POLA1: variants seen among roughly 807,000 people sequenced by gnomAD.
POLA1 encodes the protein DNA polymerase alpha 1, catalytic subunit.
POLA1 carries 15 observed loss-of-function variants against 124.0 expected under a neutral mutation model. The ratio of observed to expected loss-of-function variants is 0.12; its 90% CI spans 0.08 to 0.19. The LOEUF is 0.19. Among genes scored for constraint, POLA1 ranks in the 10% least tolerant of loss-of-function variants. The probability of loss-of-function intolerance (pLI) is 1.00; values close to 1 mark genes in which losing one functional copy is unlikely to be tolerated. For missense variants in POLA1, 886 were observed against 1,103.4 expected (o/e 0.80, Z 2.79); for synonymous variants, 408 against 389.4 (o/e 1.05, Z -0.56).
At chrX:24,835,760 A>G (rs2046334136) in intron 32 of POLA1, among the ~76,000 whole-genome samples, 1 of 111,069 alleles carries the variant, frequency 9.0e-6, no homozygotes, top group Non-Finnish European at 1.9e-5. Flanking sequence ...ATTTTATTTT[A>G]TATTTTCTAA....
chrX:24,917,530 A>G (rs1326794099), intron 35 of POLA1, among the ~76,000 whole-genome samples: 2 of 112,024 alleles, frequency 1.8e-5, no homozygotes, highest in South Asian at 3.8e-4. Flanking sequence ...TCAAAATATC[A>G]TGGAGGAAAA....
At chrX:24,935,636 T>G (rs1480362642) in intron 36 of POLA1, among the ~76,000 whole-genome samples, 2 of 112,819 alleles carry the variant, frequency 1.8e-5, no homozygotes, top group Non-Finnish European at 3.7e-5. Context: ...ATGCTTTCTT[T>G]TCTTTTTTTT....
chrX:24,987,929 C>G (rs1318134933), intron 36 of POLA1, among the ~76,000 whole-genome samples: 1 of 111,746 alleles, frequency 8.9e-6, no homozygotes, highest in East Asian at 2.8e-4. Flanking sequence ...GTTACCTTCA[C>G]CATCCAACTG....
intron 34 of POLA1, among the ~76,000 whole-genome samples, chrX:24,868,991 A>G (rs1003326564): frequency 8.9e-6 from 1 of 112,170 alleles, no homozygotes; most frequent in African/African-American, 3.2e-5. Context: ...GCTGGAGTGC[A>G]GTGGTGTGAA....
chrX:24,765,193 C>T (rs1008067493), intron 26 of POLA1, among the ~76,000 whole-genome samples: 17 of 111,015 alleles, frequency 1.5e-4, no homozygotes, highest in African/African-American at 4.3e-4. Flanking sequence ...TTTCCTCTGC[C>T]TGGAATGCTC....
intron 26 of POLA1, among the ~76,000 whole-genome samples, chrX:24,787,755 C>T (rs1483181139): frequency 8.9e-6 from 1 of 111,752 alleles, no homozygotes; most frequent in East Asian, 2.8e-4. Context: ...GTGAAAAATG[C>T]CATTGGAATT....
intron 36 of POLA1, among the ~76,000 whole-genome samples, chrX:24,948,069 C>G (rs758016915): frequency 8.9e-6 from 1 of 112,143 alleles, no homozygotes; most frequent in African/African-American, 3.2e-5. Flanking sequence ...TTAAAAAGCA[C>G]TCTGAAATTC....
intron 10 of POLA1, among the ~76,000 whole-genome samples, chrX:24,719,828 G>A (rs1295523180): frequency 1.8e-5 from 2 of 110,913 alleles, no homozygotes; most frequent in African/African-American, 3.3e-5. Flanking sequence ...TTTCTCTGCC[G>A]AAAGTGGACA....
intron 35 of POLA1, among the ~76,000 whole-genome samples, chrX:24,908,828 T>C (rs1025049706): frequency 8.9e-6 from 1 of 111,788 alleles, no homozygotes; most frequent in African/African-American, 3.3e-5. Context: ...CCACAATGGT[T>C]GAACTAGTTT....
intron 26 of POLA1, among the ~76,000 whole-genome samples, chrX:24,750,536 G>T (rs749728529): frequency 8.9e-6 from 1 of 112,641 alleles, no homozygotes; most frequent in South Asian, 3.7e-4. Flanking sequence ...TCACTCTTCT[G>T]TTGGCAGCCG....
chrX:24,896,850 T>C (rs2147153182), intron 35 of POLA1, among the ~76,000 whole-genome samples: 1 of 112,392 alleles, frequency 8.9e-6, no homozygotes, highest in African/African-American at 3.2e-5. Flanking sequence ...AAGCTTTCAT[T>C]TTAATTAGCT....
At position 24,727,043 on chromosome X, in the gene POLA1, A is replaced by G. The variant is rs375636711; in HGVS notation, c.1503A>G (p.Gly501=). The change falls in exon 14 of 37, where the codon GGA becomes GGG. Residue 501 remains glycine (G), a synonymous_variant. Coordinates refer to ENST00000379068, the MANE Select transcript of POLA1 (RefSeq NM_001330360.2). The stretch of plus-strand genomic sequence containing the variant: ...TCTTGATGAACAGAAAGATCAAAGG[A>G]CCTTGTTGGCTTGAAGTAAAAAGTC... ...ELFLMNRKIK[G]PCWLEVKSPQ... is the part of the protein sequence containing the mutation. 3.7e-5 allele frequency: 45 copies of G among 1,202,174 alleles called. No homozygotes were observed. In the Middle Eastern group the frequency reaches 1.6e-3, roughly 43 times the overall value.
intron 10 of POLA1, 118 bp downstream of exon 10, chrX:24,717,876 G>GTT (rs371660853): frequency 1.2e-4 from 54 of 433,868 alleles, no homozygotes; most frequent in African/African-American, 7.0e-4. Flanking sequence ...GTTTATTTCT[G>GTT]TTTTTTTTTT....
intron 36 of POLA1, among the ~76,000 whole-genome samples, chrX:24,946,860 T>G (rs1362214262): frequency 8.9e-6 from 1 of 112,059 alleles, no homozygotes. Flanking sequence ...TCTCTGCTAT[T>G]TATTTCCTAT....
At chrX:24,952,401 C>T (rs1257601658) in intron 36 of POLA1, among the ~76,000 whole-genome samples, 1 of 112,127 alleles carries the variant, frequency 8.9e-6, no homozygotes, top group Non-Finnish European at 1.9e-5. Context: ...CTCCATGATG[C>T]AATCAGTACT....
chrX:24,767,568 A>T (rs750438952), intron 26 of POLA1, among the ~76,000 whole-genome samples: 38 of 112,401 alleles, frequency 3.4e-4, no homozygotes, highest in Middle Eastern at 4.6e-3. Context: ...AGTCCAAAAA[A>T]TTTTTTTCTA....
In POLA1 at chrX:24,733,677, T is replaced by C. The variant is rs1931079208; in HGVS notation, c.1772-78T>C. The C allele has an allele frequency of 1.7e-5, 9 of 523,527 alleles. No homozygotes were observed. In the South Asian group the frequency reaches 3.4e-4, roughly 20 times the overall value. 43.1% of individuals were successfully genotyped at this position (523,527 alleles called of 1,213,427 possible). A position where few individuals can be genotyped will look rare whatever the true frequency, so the allele number is the denominator to read the frequency against. ...GGAATATATTTAAGACAGTTTCGTTTGGAAACATGTACTATATGATTACCT... is the reference window on the plus strand; with the variant it reads ...GGAATATATTTAAGACAGTTTCGTTCGGAAACATGTACTATATGATTACCT... On this transcript the variant is annotated intron_variant, in intron 16 of 36. Coordinates refer to ENST00000379068, the MANE Select transcript of POLA1 (RefSeq NM_001330360.2).
chrX:24,750,267 TC>T (rs1173680263), intron 26 of POLA1, among the ~76,000 whole-genome samples: 2 of 112,311 alleles, frequency 1.8e-5, no homozygotes, highest in East Asian at 5.6e-4. Context: ...AGAGTTTAGA[TC>T]AACTCTGTCC....
chrX:24,790,717 C>T (rs189209537), intron 26 of POLA1, among the ~76,000 whole-genome samples: 79 of 109,897 alleles, frequency 7.2e-4, no homozygotes, highest in African/African-American at 2.5e-3. Context: ...TAGTTTTGTG[C>T]AATTTACATA....
Sources: allele counts gnomAD v4.1 joint callset (sites outside exome capture counted in the v4.1 genomes callset), GRCh38; gene constraint gnomAD v4.1.1; transcripts MANE v1.5; gene names NCBI Gene and HGNC (gene_info 2026-07-23, HGNC 2026-07-21).